The following PHF3 variants were observed in gnomAD, a reference collection of about 807,000 sequenced individuals.
PHF3 encodes the protein PHD finger protein 3.
A neutral mutation model predicts 178.4 loss-of-function variants in PHF3; 41 were observed. That is an observed-to-expected ratio of 0.23 (90% CI 0.18 to 0.30). The LOEUF is 0.30. Ranked by LOEUF, PHF3 falls within the 10% of genes least tolerant of loss-of-function variation. PHF3 has a pLI of 1.00. For missense variants in PHF3, 2,346 were observed against 2,398.1 expected, an observed-to-expected ratio of 0.98 and a Z score of 0.45; for synonymous variants, 842 against 800.5, an observed-to-expected ratio of 1.05 and a Z score of -0.88.
rs531595538 is a variant in PHF3 at position 63,719,647 on chromosome 6, G to A, written c.*5939G>A. ...ATTTTTTCAAGTTATGCTATCAACA[G>A]TACTAAATTGTTAGGATAGTAATTT... On this transcript the variant is annotated 3_prime_UTR_variant, in exon 16 of 16. Transcript: ENST00000262043. Among the ~76,000 whole-genome samples, 55 of 152,200 alleles carry A rather than the reference G, an allele frequency of 3.6e-4. No homozygotes were observed. Among genetic ancestry groups the A allele is most frequent in the African/African-American group, 1.3e-3 (55 of 41,564 alleles).
At position 63,711,898 on chromosome 6, in the gene PHF3, C is replaced by T; in HGVS notation, c.4310C>T (p.Pro1437Leu). 1 of 1,613,930 alleles carries T rather than the reference C, an allele frequency of 6.2e-7. No individual in the cohort carries two copies. Among genetic ancestry groups the T allele is most frequent in the Non-Finnish European group, 8.5e-7 (1 of 1,179,902 alleles). ...PLMEVTKQEP[P>L]KPLRFLPGVL... ...ATGGAAGTCACCAAACAGGAGCCAC[C>T]AAAACCTTTAAGATTTCTTCCTGGC... Residue 1437 changes from proline to leucine, a missense_variant, in exon 16 of 16, where the codon CCA (proline) becomes CTA (leucine). Pro to Leu is a moderately conservative substitution (Grantham distance 98). Transcript: ENST00000262043.
Position 63,721,085 on chromosome 6 carries a change from T to TG in PHF3, c.*7377_*7378insG. Reference sequence around the variant, plus strand: ...TTTTAGTGGTACTGAAATTTAAGGATATAGTAGTGAACTGGAGGTTTCTCA... The same window carrying TG: ...TTTTAGTGGTACTGAAATTTAAGGATGATAGTAGTGAACTGGAGGTTTCTCA... On this transcript the variant is annotated 3_prime_UTR_variant, in exon 16 of 16. Coordinates refer to ENST00000262043, the MANE Select transcript of PHF3 (RefSeq NM_001370348.2). 1 of 1,551,334 alleles carries TG rather than the reference T, an allele frequency of 6.4e-7. No homozygotes were observed. Among genetic ancestry groups the TG allele is most frequent in the African/African-American group, 1.4e-5 (1 of 73,152 alleles).
Position 63,712,529 on chromosome 6 carries a change from C to T in PHF3, c.4941C>T (p.Asn1647=), listed in dbSNP as rs1767994371. ...ANTARSPQFI[N]LKRDPRQAAG... ...CAGCGAGGTCTCCACAGTTTATCAA[C>T]CTGAAAAGGGATCCTAGGCAAGCAG... The change falls in exon 16 of 16, where the codon AAC becomes AAT. Residue 1647 remains asparagine (N), a synonymous_variant. Coordinates refer to ENST00000262043, the MANE Select transcript of PHF3 (RefSeq NM_001370348.2). The T allele has an allele frequency of 2.5e-6, 4 of 1,613,622 alleles. No homozygotes were observed. The highest frequency in any genetic ancestry group is 2.7e-5 in the African/African-American group (2 of 74,856).
Position 63,716,406 on chromosome 6 carries a change from C to G in PHF3, c.*2698C>G, listed in dbSNP as rs533279711. On this transcript the variant is annotated 3_prime_UTR_variant, in exon 16 of 16. Coordinates refer to ENST00000262043, the MANE Select transcript of PHF3 (RefSeq NM_001370348.2). ...TGTCTGAAACCCTTCACTGAGCAAC[C>G]CAACTGTTCAGTGTGAGTCAGAAGA... Among the ~76,000 whole-genome samples the G allele has an allele frequency of 9.2e-5, 14 of 152,242 alleles. No individual in the cohort carries two copies. Among genetic ancestry groups the G allele is most frequent in the South Asian group, 4.1e-4 (2 of 4,828 alleles).
chr6:63,644,880 T>TA (rs1055755524), intron 1 of PHF3, among the ~76,000 whole-genome samples: 8 of 151,100 alleles, frequency 5.3e-5, no homozygotes, highest in African/African-American at 1.9e-4. Context: ...AGTCACTAAT[T>TA]TGTTGGATTT....
intron 2 of PHF3, among the ~76,000 whole-genome samples, chr6:63,648,629 A>C (rs546634048): frequency 6.6e-6 from 1 of 152,300 alleles, no homozygotes; most frequent in East Asian, 1.9e-4. Context: ...TGCTAATAGA[A>C]GACTTAGAGC....
chr6:63,659,007 A>G (rs1252646483), intron 2 of PHF3, among the ~76,000 whole-genome samples: 1 of 152,066 alleles, frequency 6.6e-6, no homozygotes, highest in Non-Finnish European at 1.5e-5. Context: ...TATTGTGGAG[A>G]GTAATCTTTT....
intron 2 of PHF3, among the ~76,000 whole-genome samples, chr6:63,678,069 A>C (rs1766253442): frequency 2.0e-5 from 3 of 151,980 alleles, no homozygotes; most frequent in African/African-American, 4.8e-5. Flanking sequence ...CTAAAAATAC[A>C]AAAATTAGCT....
chr6:63,723,788 CATTATTATTATTATT>C lies in PHF3; in HGVS notation c.*10114_*10128del, dbSNP rs57873412. 0.024 allele frequency among the ~76,000 whole-genome samples: 3,257 copies of C among 138,152 alleles called. 59 individuals are homozygous for C. The highest frequency in any genetic ancestry group is 0.04 in the Middle Eastern group (11 of 272). 90.6% of individuals were successfully genotyped at this position (138,152 alleles called of 152,430 possible). A position where few individuals can be genotyped will look rare whatever the true frequency, so the allele number is the denominator to read the frequency against. The stretch of plus-strand genomic sequence containing the variant: ...GTTATGGGTCATAAGTACACATTGG[CATTATTATTATTATT>C]ATTATTATTATTATTATTATTATTA... On this transcript the variant is annotated 3_prime_UTR_variant, in exon 16 of 16. Coordinates refer to ENST00000262043, the MANE Select transcript of PHF3 (RefSeq NM_001370348.2).
intron 3 of PHF3, among the ~76,000 whole-genome samples, chr6:63,681,432 C>G (rs1031224772): frequency 1.3e-5 from 2 of 151,966 alleles, no homozygotes; most frequent in African/African-American, 2.4e-5. Flanking sequence ...ATTTCTGGAA[C>G]CTTTATTATT....
intron 2 of PHF3, among the ~76,000 whole-genome samples, chr6:63,670,200 A>C (rs1395971257): frequency 6.6e-6 from 1 of 152,170 alleles, no homozygotes; most frequent in Non-Finnish European, 1.5e-5. Context: ...CTAAACTGTC[A>C]TCCTAATTCT....
At chr6:63,650,698 C>T (rs961717626) in intron 2 of PHF3, among the ~76,000 whole-genome samples, 1 of 152,082 alleles carries the variant, frequency 6.6e-6, no homozygotes, top group Non-Finnish European at 1.5e-5. Context: ...CTAGACAATT[C>T]ATCTATGTAA....
At position 63,685,895 on chromosome 6, in the gene PHF3, A is replaced by G. The variant is rs766569984; in HGVS notation, c.2173A>G (p.Lys725Glu). The G allele has an allele frequency of 6.2e-7, 1 of 1,611,732 alleles. No individual in the cohort carries two copies. Among genetic ancestry groups the G allele is most frequent in the Non-Finnish European group, 8.5e-7 (1 of 1,179,562 alleles). Reference sequence around the variant, plus strand: ...CAGCAAGCAGTGTGGGTTTTGCAAAAAACCACATGGCAACAGGTGTGTGTG... The same window carrying G: ...CAGCAAGCAGTGTGGGTTTTGCAAAGAACCACATGGCAACAGGTGTGTGTG... Reference protein sequence around the residue: ...TPSKQCGFCKKPHGNRFMVGC... With the variant: ...TPSKQCGFCKEPHGNRFMVGC... The change falls in exon 4 of 16, where the codon AAA becomes GAA. Residue 725 changes from lysine to glutamate, a missense_variant. Physicochemically the swap from Lys to Glu is moderately conservative, Grantham distance 56. Transcript: ENST00000262043.
chr6:63,709,718 T>TC (rs1767844592), intron 14 of PHF3, among the ~76,000 whole-genome samples: 2 of 152,180 alleles, frequency 1.3e-5, no homozygotes, highest in Admixed American at 1.3e-4. Context: ...GTCATTAACT[T>TC]CCATTGGAAA....
chr6:63,646,997 G>A (rs1764818609), intron 2 of PHF3, among the ~76,000 whole-genome samples: 1 of 150,572 alleles, frequency 6.6e-6, no homozygotes, highest in African/African-American at 2.4e-5. Flanking sequence ...CTTCCAAGGA[G>A]TGTGGAGTTA....
Position 63,721,306 on chromosome 6 carries a change from T to C in PHF3, c.*7598T>C. On this transcript the variant is annotated 3_prime_UTR_variant, in exon 16 of 16. Transcript: ENST00000262043. ...AAACAGGACACAGACTGGTTACATG[T>C]ATTTCCAGCCCAATCTGGCAAACAT... 1 of 1,551,996 alleles carries C rather than the reference T, an allele frequency of 6.4e-7. No individual in the cohort carries two copies. The highest frequency in any genetic ancestry group is 8.7e-7 in the Non-Finnish European group (1 of 1,147,012).
chr6:63,670,597 T>C (rs2149567619), intron 2 of PHF3, among the ~76,000 whole-genome samples: 1 of 152,334 alleles, frequency 6.6e-6, no homozygotes, highest in African/African-American at 2.4e-5. Context: ...AGGTGTTTTA[T>C]TCTATTTCTT....
At chr6:63,678,228 A>T in intron 2 of PHF3, among the ~76,000 whole-genome samples, 1 of 152,010 alleles carries the variant, frequency 6.6e-6, no homozygotes. Context: ...CTCAAAAAAA[A>T]AAAGAAAAAA....
chr6:63,681,681 A>G lies in PHF3; in HGVS notation c.406+1520A>G, dbSNP rs1014284340. ...CTTCTTTTGTCTTTATTAAGATACT[A>G]ATGGCGTTTTAAACAGTTTTTGTCT... On this transcript the variant is annotated intron_variant, in intron 3 of 15. Transcript: ENST00000262043. Among the ~76,000 whole-genome samples, 7 of 152,074 alleles carry G rather than the reference A, an allele frequency of 4.6e-5. No individual in the cohort carries two copies. The East Asian group carries it at 9.6e-4, about 21-fold the overall frequency.
Sources: gnomAD v4.1 joint callset for allele counts (sites outside exome capture counted in the v4.1 genomes callset) on GRCh38, gnomAD v4.1.1 for gene constraint, MANE v1.5 for transcripts, NCBI Gene and HGNC (gene_info 2026-07-23, HGNC 2026-07-21) for gene names.